SHISA6: variants seen among roughly 807,000 people sequenced by gnomAD.
SHISA6 encodes protein shisa-6.
SHISA6 carries 22 observed loss-of-function variants against 47.9 expected under a neutral mutation model. That is an observed-to-expected ratio of 0.46 (90% confidence interval 0.33 to 0.66). The LOEUF (loss-of-function observed/expected upper bound fraction) is 0.66. Ranked by LOEUF, SHISA6 falls within the 30% of genes least tolerant of loss-of-function variation. The probability of loss-of-function intolerance (pLI) is 0.02; values close to 1 mark genes in which losing one functional copy is unlikely to be tolerated. For synonymous variants in SHISA6, 388 were observed against 337.8 expected (o/e 1.15, Z -1.63); for missense variants, 680 against 764.6 (o/e 0.89, Z 1.30).
chr17:11,367,655 C>G (rs1193019209), intron 2 of SHISA6, among the ~76,000 whole-genome samples: 1 of 152,096 alleles, frequency 6.6e-6, no homozygotes, highest in Non-Finnish European at 1.5e-5. Context: ...ATCTAAAGTC[C>G]CACATCTACT....
At chr17:11,526,877 CATCATATATATATAT>C (rs2071686692) in intron 3 of SHISA6, among the ~76,000 whole-genome samples, 3 of 41,136 alleles carry the variant, frequency 7.3e-5, no homozygotes, top group African/African-American at 3.0e-4. Context: ...AGCTATCTAT[CATCATATATATATAT>C]ATATATATAT....
At chr17:11,465,316 C>T (rs912015419) in intron 3 of SHISA6, among the ~76,000 whole-genome samples, 17 of 152,198 alleles carry the variant, frequency 1.1e-4, no homozygotes, top group Non-Finnish European at 2.1e-4. Context: ...TATGCTCATG[C>T]CTCTCGTATG....
chr17:11,244,662 C>T (rs980731378), intron 1 of SHISA6, among the ~76,000 whole-genome samples: 5 of 152,014 alleles, frequency 3.3e-5, no homozygotes, highest in African/African-American at 4.8e-5. Context: ...ATATTCACAC[C>T]GTAATGAGTT....
At chr17:11,485,710 AAG>A (rs1471685086) in intron 3 of SHISA6, among the ~76,000 whole-genome samples, 1 of 151,942 alleles carries the variant, frequency 6.6e-6, no homozygotes, top group African/African-American at 2.4e-5. Flanking sequence ...AGCAAACAGG[AAG>A]AGAGAGAAAA....
At position 11,559,518 on chromosome 17, in the gene SHISA6, C is replaced by T. The variant is rs759599790; in HGVS notation, c.*1214C>T. The T allele has an allele frequency of 6.5e-6, 1 of 152,832 alleles. No individual in the cohort carries two copies. Among genetic ancestry groups the T allele is most frequent in the Non-Finnish European group, 1.5e-5 (1 of 68,470 alleles). The allele number at this position is 152,832 out of a possible 1,614,324, so 9.5% of individuals were successfully genotyped here. A position where few individuals can be genotyped will look rare whatever the true frequency, so the allele number is the denominator to read the frequency against. ...CTACCTGCTCAGTTCAGAGATCACT[C>T]CTACTGCCTGTGTCCCCTTCCCCCA... is the stretch of plus-strand genomic sequence containing the variant. On this transcript the variant is annotated 3_prime_UTR_variant, in exon 6 of 6. Coordinates refer to ENST00000441885, the MANE Select transcript of SHISA6 (RefSeq NM_207386.4). The surrounding 1 kb of genome is among the most constrained non-coding windows in gnomAD (Gnocchi z 4.4).
intron 3 of SHISA6, among the ~76,000 whole-genome samples, chr17:11,469,743 G>A (rs749489796): frequency 6.6e-6 from 1 of 152,156 alleles, no homozygotes; most frequent in Non-Finnish European, 1.5e-5. Flanking sequence ...CCAGACTGGA[G>A]CATCATGAGG....
At chr17:11,434,436 A>G (rs1204420403) in intron 3 of SHISA6, among the ~76,000 whole-genome samples, 1 of 151,980 alleles carries the variant, frequency 6.6e-6, no homozygotes, top group Non-Finnish European at 1.5e-5. Context: ...TGTTATTTTC[A>G]TATTTGGAGT....
intron 3 of SHISA6, among the ~76,000 whole-genome samples, chr17:11,435,902 T>G (rs1004406115): frequency 1.3e-5 from 2 of 152,212 alleles, no homozygotes; most frequent in African/African-American, 4.8e-5. Context: ...GGCTTTCTTT[T>G]TGTTTTTCCT....
intron 3 of SHISA6, among the ~76,000 whole-genome samples, chr17:11,529,179 TGA>T (rs977904635): frequency 9.3e-5 from 14 of 150,018 alleles, no homozygotes; most frequent in African/African-American, 3.4e-4. Flanking sequence ...GGTGACAGTG[TGA>T]GACTCCATCT....
chr17:11,423,069 T>A (rs1914493668), intron 3 of SHISA6, among the ~76,000 whole-genome samples: 1 of 150,132 alleles, frequency 6.7e-6, no homozygotes, highest in South Asian at 2.1e-4. Context: ...ATAAAAGGAG[T>A]GAGTGCTTTT....
At chr17:11,466,759 A>C (rs1345119252) in intron 3 of SHISA6, among the ~76,000 whole-genome samples, 1 of 152,218 alleles carries the variant, frequency 6.6e-6, no homozygotes, top group Non-Finnish European at 1.5e-5. Context: ...AATTGATGTC[A>C]GACATCATTG....
Position 11,561,986 on chromosome 17 carries a change from C to T in SHISA6, c.*3682C>T, listed in dbSNP as rs1435422403. The T allele has an allele frequency of 6.6e-6, 1 of 152,116 alleles. No individual in the cohort carries two copies. Among genetic ancestry groups the T allele is most frequent in the Non-Finnish European group, 1.5e-5 (1 of 68,116 alleles). 9.4% of individuals were successfully genotyped at this position (152,116 alleles called of 1,614,324 possible). A position where few individuals can be genotyped will look rare whatever the true frequency, so the allele number is the denominator to read the frequency against. On this transcript the variant is annotated 3_prime_UTR_variant, in exon 6 of 6. Transcript: ENST00000441885. ...ATGGCCTGTGATAGTCAGTTTGGTT[C>T]CTGCCACTAGCAAGTCCCCTGAAGC...
intron 3 of SHISA6, among the ~76,000 whole-genome samples, chr17:11,391,158 C>G (rs1036267281): frequency 2.0e-5 from 3 of 152,028 alleles, no homozygotes; most frequent in Admixed American, 1.3e-4. Flanking sequence ...ATGTGTGGGG[C>G]CATAAGTCAC....
At chr17:11,447,686 C>T (rs554306708) in intron 3 of SHISA6, among the ~76,000 whole-genome samples, 2 of 152,354 alleles carry the variant, frequency 1.3e-5, no homozygotes, top group African/African-American at 2.4e-5. Flanking sequence ...TTTGTTCACT[C>T]GGATGGATTG....
At chr17:11,252,444 C>T (rs1907850421) in intron 1 of SHISA6, among the ~76,000 whole-genome samples, 1 of 152,168 alleles carries the variant, frequency 6.6e-6, no homozygotes, top group Admixed American at 6.5e-5. Context: ...TCTTCCTTCG[C>T]CCTTGCTGTT....
chr17:11,496,814 G>A (rs1177705296), intron 3 of SHISA6, among the ~76,000 whole-genome samples: 1 of 152,042 alleles, frequency 6.6e-6, no homozygotes, highest in Admixed American at 6.5e-5. Flanking sequence ...GGTGGGCACT[G>A]TGGCAAACTG....
At chr17:11,504,273 C>T (rs970796332) in intron 3 of SHISA6, among the ~76,000 whole-genome samples, 1 of 152,140 alleles carries the variant, frequency 6.6e-6, no homozygotes, top group South Asian at 2.1e-4. Context: ...AGAAATCAAA[C>T]AGCTCTTAGT....
At chr17:11,254,977 G>A (rs750616783) in intron 1 of SHISA6, among the ~76,000 whole-genome samples, 108 of 152,142 alleles carry the variant, frequency 7.1e-4, no homozygotes, top group Non-Finnish European at 1.0e-3. Context: ...TAATTCAGAT[G>A]CAACTTAAAG....
intron 3 of SHISA6, among the ~76,000 whole-genome samples, chr17:11,537,616 T>A (rs778669187): frequency 9.2e-5 from 14 of 152,128 alleles, no homozygotes; most frequent in Non-Finnish European, 2.1e-4. Flanking sequence ...ATCTGCCACT[T>A]TGGGCCTTAG....
Sources: gnomAD v4.1 joint callset for allele counts (sites outside exome capture counted in the v4.1 genomes callset) on GRCh38, gnomAD v4.1.1 for gene constraint, Gnocchi (gnomAD v3.1) non-coding constraint, MANE v1.5 for transcripts, NCBI Gene and HGNC (gene_info 2026-07-23, HGNC 2026-07-21) for gene names.